OR1J2: variants seen among roughly 807,000 people sequenced by gnomAD.
OR1J2 encodes the protein olfactory receptor family 1 subfamily J member 2.
For synonymous variants in OR1J2, 142 were observed against 99.7 expected, an observed-to-expected ratio of 1.42 and a Z score of -2.52; for missense variants, 304 against 246.1, an observed-to-expected ratio of 1.24 and a Z score of -1.57.
At chr9:122,554,175 A>T in the OR1J2 span, 1 of 1,589,480 alleles carries the variant, frequency 6.3e-7, no homozygotes, top group Non-Finnish European at 8.6e-7. Context: ...AGACATCTAG[A>T]CGGTGATGTC....
upstream of OR1J2, among the ~76,000 whole-genome samples, chr9:122,508,958 G>T (rs1828580091): frequency 6.6e-6 from 1 of 152,144 alleles, no homozygotes; most frequent in South Asian, 2.1e-4. Context: ...GAGCCCACTT[G>T]CATTCCTTAT....
At chr9:122,497,350 C>T in the OR1J2 span, among the ~76,000 whole-genome samples, 102 of 152,280 alleles carry the variant, frequency 6.7e-4, no homozygotes, top group African/African-American at 2.4e-3. Flanking sequence ...ATCTTCCTCC[C>T]GATATTGGCC....
downstream of OR1J2, among the ~76,000 whole-genome samples, chr9:122,516,479 A>AT (rs1315903591): frequency 2.0e-5 from 3 of 151,114 alleles, no homozygotes; most frequent in African/African-American, 7.3e-5. Flanking sequence ...AATTTTTTGT[A>AT]TTTTTAGTAG....
downstream of OR1J2, among the ~76,000 whole-genome samples, chr9:122,515,981 A>C (rs1254165870): frequency 6.6e-6 from 1 of 152,114 alleles, no homozygotes; most frequent in Non-Finnish European, 1.5e-5. Context: ...TTTTAATGGA[A>C]ACAATGTCAT....
the OR1J2 span, among the ~76,000 whole-genome samples, chr9:122,577,092 G>A: frequency 4.6e-5 from 7 of 152,186 alleles, no homozygotes; most frequent in African/African-American, 1.7e-4. Flanking sequence ...TGCTAGTAGT[G>A]TGAATACAAA....
At chr9:122,554,757 T>G in the OR1J2 span, among the ~76,000 whole-genome samples, 2 of 152,226 alleles carry the variant, frequency 1.3e-5, no homozygotes, top group Non-Finnish European at 2.9e-5. Flanking sequence ...AATTAATATA[T>G]GTTATGGTAT....
At chr9:122,572,579 G>GT in the OR1J2 span, among the ~76,000 whole-genome samples, 49,703 of 147,848 alleles carry the variant, frequency 0.34, 8,480 homozygotes, top group African/African-American at 0.39. Flanking sequence ...TTTGGGTTTG[G>GT]TTTTTTTTTT....
At chr9:122,577,731 T>C in the OR1J2 span, among the ~76,000 whole-genome samples, 5 of 152,194 alleles carry the variant, frequency 3.3e-5, no homozygotes, top group African/African-American at 1.2e-4. Context: ...CAGTATTTAT[T>C]TAAATATTTT....
At chr9:122,546,597 T>G in the OR1J2 span, among the ~76,000 whole-genome samples, 3 of 152,110 alleles carry the variant, frequency 2.0e-5, no homozygotes, top group Non-Finnish European at 4.4e-5. Flanking sequence ...GGCTATTTGT[T>G]AAAAAAATTA....
the OR1J2 span, among the ~76,000 whole-genome samples, chr9:122,451,340 C>A: frequency 6.6e-6 from 1 of 152,012 alleles, no homozygotes; most frequent in Non-Finnish European, 1.5e-5. Context: ...CATGCGCCAC[C>A]AAGCCCAGCT....
Position 122,511,450 on chromosome 9 carries a change from T to A in OR1J2, c.649T>A (p.Ser217Thr). The A allele has an allele frequency of 1.3e-6, 1 of 779,090 alleles. No homozygotes were observed. The highest frequency in any genetic ancestry group is 2.4e-6 in the Non-Finnish European group (1 of 417,226). 48.3% of individuals were successfully genotyped at this position (779,090 alleles called of 1,614,324 possible). Residue 217 changes from serine to threonine, a missense_variant, in exon 1 of 1, where the codon TCA (serine) becomes ACA (threonine). Physicochemically the swap from Ser to Thr is moderately conservative, Grantham distance 58. Transcript: ENST00000335302. Reference protein sequence around the residue: ...ITLPFMCILVSYGYIGATILR... With the variant: ...ITLPFMCILVTYGYIGATILR... ...CCTGCCATTCATGTGTATCCTGGTATCATATGGCTACATTGGGGCCACCAT... is the reference window on the plus strand; with the variant it reads ...CCTGCCATTCATGTGTATCCTGGTAACATATGGCTACATTGGGGCCACCAT...
chr9:122,504,377 G>A, the OR1J2 span, among the ~76,000 whole-genome samples: 181 of 152,268 alleles, frequency 1.2e-3, no homozygotes, highest in African/African-American at 4.2e-3. Flanking sequence ...AATTAGCATG[G>A]TCCCTTGTAC....
the OR1J2 span, among the ~76,000 whole-genome samples, chr9:122,516,824 G>A: frequency 2.0e-5 from 3 of 152,190 alleles, no homozygotes; most frequent in African/African-American, 7.2e-5. Flanking sequence ...TCTCTAGGGT[G>A]TGGTTGGATG....
chr9:122,527,202 C>T, the OR1J2 span: 3 of 1,613,976 alleles, frequency 1.9e-6, no homozygotes, highest in African/African-American at 1.3e-5. Flanking sequence ...AAGATACATA[C>T]ACAGGAAAAT....
chr9:122,541,757 C>T, the OR1J2 span, among the ~76,000 whole-genome samples: 1 of 152,176 alleles, frequency 6.6e-6, no homozygotes, highest in African/African-American at 2.4e-5. Context: ...ATTGTGCTTC[C>T]CAGCCAGATC....
At chr9:122,477,088 G>A in the OR1J2 span, 55 of 1,613,198 alleles carry the variant, frequency 3.4e-5, no homozygotes, top group Non-Finnish European at 4.5e-5. Flanking sequence ...GGGAGTGACT[G>A]CTGTGTATAT....
At chr9:122,458,628 A>G in the OR1J2 span, among the ~76,000 whole-genome samples, 743 of 152,270 alleles carry the variant, frequency 4.9e-3, 3 homozygotes, top group Non-Finnish European at 8.1e-3. Flanking sequence ...CTTATTCACT[A>G]TCACGAGAAC....
chr9:122,567,330 C>G, the OR1J2 span: 2 of 416,358 alleles, frequency 4.8e-6, no homozygotes, highest in Non-Finnish European at 8.5e-6. Context: ...ATAAATCTTT[C>G]CAAGAAAGAG....
rs200778732 is a variant in OR1J2, at chr9:122,510,859, C to T, written c.58C>T (p.Arg20Trp). The T allele has an allele frequency of 1.4e-4, 232 of 1,609,682 alleles. 2 individuals are homozygous for T. The highest frequency in any genetic ancestry group is 1.7e-4 in the Middle Eastern group (1 of 6,036). ...SEFLLLGLPI[R>W]PEQQAVFFTL... ...GTTCCTCCTTCTGGGCCTCCCCATC[C>T]GGCCAGAGCAGCAGGCTGTGTTCTT... The change falls in exon 1 of 1, where the codon CGG becomes TGG. Residue 20 changes from arginine (R) to tryptophan (W), a missense_variant. Arg to Trp is a moderately radical substitution (Grantham distance 101). Coordinates refer to ENST00000335302, the MANE Select transcript of OR1J2 (RefSeq NM_054107.1).
Sources: gnomAD v4.1 joint callset for allele counts (sites outside exome capture counted in the v4.1 genomes callset) on GRCh38, gnomAD v4.1.1 for gene constraint, MANE v1.5 for transcripts, NCBI Gene and HGNC (gene_info 2026-07-23, HGNC 2026-07-21) for gene names.